The following SYN3 variants were observed in gnomAD, a reference collection of about 807,000 sequenced individuals.
SYN3 encodes the protein synapsin-3.
Under a neutral mutation model 65.8 loss-of-function variants are expected in SYN3, and 35 were observed. That is an observed-to-expected ratio of 0.53 (90% confidence interval 0.41 to 0.70). The LOEUF is 0.70. SYN3 is among the 30% of genes least tolerant of loss of function. SYN3 has a pLI of 0.00. For missense variants in SYN3, 680 were observed against 749.0 expected, an observed-to-expected ratio of 0.91 and a Z score of 1.08; for synonymous variants, 270 against 292.9, an observed-to-expected ratio of 0.92 and a Z score of 0.80.
intron 3 of SYN3, among the ~76,000 whole-genome samples, chr22:32,962,129 C>CT (rs58025844): frequency 0.019 from 2,008 of 107,078 alleles, 43 homozygotes; most frequent in East Asian, 0.031. Context: ...TTTAGAATCT[C>CT]TTTTTTTTTT....
chr22:32,842,275 T>C (rs1445078623), intron 6 of SYN3, among the ~76,000 whole-genome samples: 1 of 152,124 alleles, frequency 6.6e-6, no homozygotes, highest in Non-Finnish European at 1.5e-5. Flanking sequence ...TCAGGAGGGT[T>C]TTTTTGGGAG....
At chr22:32,735,130 T>C (rs1279573810) in intron 6 of SYN3, among the ~76,000 whole-genome samples, 2 of 152,178 alleles carry the variant, frequency 1.3e-5, no homozygotes, top group Non-Finnish European at 1.5e-5. Flanking sequence ...AGATCCTCGT[T>C]TCTGGTCCCT....
intron 4 of SYN3, among the ~76,000 whole-genome samples, chr22:32,930,723 A>G (rs2050603389): frequency 6.6e-6 from 1 of 152,108 alleles, no homozygotes; most frequent in Admixed American, 6.5e-5. Context: ...CATGAGACCT[A>G]GTGTGTATCG....
intron 4 of SYN3, among the ~76,000 whole-genome samples, chr22:32,869,690 G>GTTTT (rs748620876): frequency 8.7e-6 from 1 of 114,918 alleles, no homozygotes. Flanking sequence ...ACACATCTTG[G>GTTTT]TTTTTTTTTT....
intron 2 of SYN3, among the ~76,000 whole-genome samples, chr22:32,995,019 T>G (rs2052837621): frequency 6.6e-6 from 1 of 152,162 alleles, no homozygotes; most frequent in Non-Finnish European, 1.5e-5. Context: ...GAGGTTGGAT[T>G]TGCCCAAGGT....
chr22:32,858,308 G>C (rs1457989812), intron 6 of SYN3, among the ~76,000 whole-genome samples: 1 of 152,208 alleles, frequency 6.6e-6, no homozygotes, highest in Non-Finnish European at 1.5e-5. Context: ...GTTGCCCCAG[G>C]TGGGGCAGTG....
intron 6 of SYN3, among the ~76,000 whole-genome samples, chr22:32,864,074 A>G (rs1391223304): frequency 6.6e-6 from 1 of 152,122 alleles, no homozygotes; most frequent in Non-Finnish European, 1.5e-5. Context: ...AGTATCTCCA[A>G]ACAGGACTGT....
intron 7 of SYN3, among the ~76,000 whole-genome samples, chr22:32,552,665 C>T (rs901270485): frequency 6.6e-6 from 1 of 152,074 alleles, no homozygotes; most frequent in Admixed American, 6.5e-5. Flanking sequence ...TGATCAGTAA[C>T]ATGATTCAGT....
intron 7 of SYN3, among the ~76,000 whole-genome samples, chr22:32,592,673 C>T (rs1219076891): frequency 1.3e-5 from 2 of 152,178 alleles, no homozygotes; most frequent in Non-Finnish European, 2.9e-5. Flanking sequence ...AAAGGCCATG[C>T]ACTTTTCTTT....
At chr22:32,728,641 G>A (rs1250032842) in intron 6 of SYN3, among the ~76,000 whole-genome samples, 1 of 152,320 alleles carries the variant, frequency 6.6e-6, no homozygotes, top group East Asian at 1.9e-4. Context: ...GAGGTTGGGG[G>A]AGTCATGAAA....
intron 6 of SYN3, among the ~76,000 whole-genome samples, chr22:32,827,582 T>C (rs2047448975): frequency 7.1e-6 from 1 of 140,218 alleles, no homozygotes; most frequent in South Asian, 2.4e-4. Flanking sequence ...TGGTTATGAC[T>C]ATCATGAACT....
chr22:32,978,709 C>G (rs1348224650), intron 3 of SYN3, among the ~76,000 whole-genome samples: 2 of 152,206 alleles, frequency 1.3e-5, no homozygotes, highest in Non-Finnish European at 2.9e-5. Flanking sequence ...CCCAGCTTCA[C>G]TGCATTCTTA....
intron 12 of SYN3, among the ~76,000 whole-genome samples, chr22:32,518,774 A>C (rs2146077653): frequency 6.6e-6 from 1 of 152,316 alleles, no homozygotes; most frequent in South Asian, 2.1e-4. Flanking sequence ...AAAGATTCTG[A>C]TAGAGTGAGT....
intron 3 of SYN3, among the ~76,000 whole-genome samples, chr22:32,977,322 G>A (rs1279928688): frequency 6.6e-6 from 1 of 152,192 alleles, no homozygotes. Context: ...TTGGGCCAAT[G>A]GCATTGCTAA....
intron 6 of SYN3, among the ~76,000 whole-genome samples, chr22:32,820,041 G>T (rs1046751266): frequency 1.3e-5 from 2 of 152,078 alleles, no homozygotes; most frequent in Admixed American, 1.3e-4. Flanking sequence ...GGTGTGGGGG[G>T]TGGTGCAAGC....
At chr22:32,680,125 C>A (rs1346469801) in intron 6 of SYN3, among the ~76,000 whole-genome samples, 12 of 152,044 alleles carry the variant, frequency 7.9e-5, no homozygotes, top group African/African-American at 2.7e-4. Flanking sequence ...TTATTGATTT[C>A]TACTTCTAAA....
intron 7 of SYN3, among the ~76,000 whole-genome samples, chr22:32,544,785 G>A (rs74625881): frequency 0.023 from 3,504 of 152,256 alleles, 72 homozygotes; most frequent in East Asian, 0.11. Context: ...TTGCAGGGAC[G>A]GCTTGTTTAA....
chr22:32,613,771 T>A (rs2059478767), intron 6 of SYN3, among the ~76,000 whole-genome samples: 1 of 152,186 alleles, frequency 6.6e-6, no homozygotes, highest in South Asian at 2.1e-4. Flanking sequence ...CTCCCCTGTA[T>A]CAAACCCTCT....
chr22:32,582,683 A>G (rs1225793528), intron 7 of SYN3, among the ~76,000 whole-genome samples: 3 of 151,972 alleles, frequency 2.0e-5, no homozygotes, highest in Non-Finnish European at 4.4e-5. Context: ...TGCCCAGCCT[A>G]TGTTCTGCAT....
Sources: allele counts gnomAD v4.1 joint callset (sites outside exome capture counted in the v4.1 genomes callset), GRCh38; gene constraint gnomAD v4.1.1; transcripts MANE v1.5; gene names NCBI Gene and HGNC (gene_info 2026-07-23, HGNC 2026-07-21).